The following SAP130 variants were observed in gnomAD, a reference collection of about 807,000 sequenced individuals.
SAP130 encodes the protein histone deacetylase complex subunit SAP130.
SAP130 carries 16 observed loss-of-function variants against 103.2 expected under a neutral mutation model. That is an observed-to-expected ratio of 0.16 (90% CI 0.10 to 0.24). The LOEUF (loss-of-function observed/expected upper bound fraction) is 0.24. SAP130 is among the 10% of genes least tolerant of loss of function. The pLI is 1.00. For synonymous variants in SAP130, 477 were observed against 497.0 expected (o/e 0.96, Z 0.53); for missense variants, 990 against 1,359.7 (o/e 0.73, Z 4.28).
chr2:127,986,678 G>A lies in SAP130; in HGVS notation c.1958+107C>T, dbSNP rs1682417018. On this transcript the variant is annotated intron_variant, in intron 14 of 20. Coordinates refer to ENST00000643581, the MANE Select transcript of SAP130 (RefSeq NM_001330301.2). The surrounding 1 kb of genome is among the most constrained non-coding windows in gnomAD (Gnocchi z 4.7). ...TTGGAGGAAATTTTAACACACCACAGAAAATGAGAGATGAGTTTGATACCA... is the reference window on the plus strand; with the variant it reads ...TTGGAGGAAATTTTAACACACCACAAAAAATGAGAGATGAGTTTGATACCA... The A allele has an allele frequency of 8.7e-6, 11 of 1,258,790 alleles. No individual in the cohort carries two copies. In the South Asian group the frequency reaches 1.3e-4, roughly 14 times the overall value. The allele number at this position is 1,258,790 out of a possible 1,614,324, so 78.0% of individuals were successfully genotyped here.
At chr2:127,968,950 G>A (rs1034623762) in intron 15 of SAP130, among the ~76,000 whole-genome samples, 2 of 152,188 alleles carry the variant, frequency 1.3e-5, no homozygotes, top group Non-Finnish European at 2.9e-5. Context: ...CACCAGACAT[G>A]AGGACTCATG....
intron 7 of SAP130, among the ~76,000 whole-genome samples, chr2:128,008,600 GCCT>G (rs1262451118): frequency 1.3e-5 from 2 of 149,910 alleles, no homozygotes; most frequent in African/African-American, 2.5e-5. Flanking sequence ...TGAATTCCTG[GCCT>G]CAAGTGATTC....
chr2:127,961,757 C>T (rs546739514), intron 15 of SAP130, among the ~76,000 whole-genome samples: 1 of 152,254 alleles, frequency 6.6e-6, no homozygotes, highest in Admixed American at 6.5e-5. Context: ...AGTGGACGAA[C>T]CACTTGCTGT....
chr2:128,006,905 T>C (rs1033817598), intron 7 of SAP130, among the ~76,000 whole-genome samples: 2 of 152,260 alleles, frequency 1.3e-5, no homozygotes, highest in African/African-American at 4.8e-5. Context: ...CCAAAAAAGT[T>C]AGACATTAGG....
intron 11 of SAP130, among the ~76,000 whole-genome samples, chr2:127,995,485 G>A (rs755715587): frequency 9.2e-5 from 14 of 152,134 alleles, no homozygotes; most frequent in African/African-American, 2.7e-4. Context: ...AGGCCGAGCC[G>A]ATTAAAAAAC....
At position 127,955,629 on chromosome 2, in the gene SAP130, G is replaced by A. The variant is rs187368408; in HGVS notation, c.2064-285C>T. On this transcript the variant is annotated intron_variant, in intron 15 of 20. Coordinates refer to ENST00000643581, the MANE Select transcript of SAP130 (RefSeq NM_001330301.2). This position sits in a 1 kb window ranked among gnomAD's most constrained non-coding sequence, Gnocchi z 4.9. ...ATCCTCCCGAGTAGCTGAGACTACA[G>A]GTGTGTGCCACCATGCCAGGCTAAT... Among the ~76,000 whole-genome samples the A allele has an allele frequency of 4.5e-3, 688 of 152,210 alleles. 6 individuals are homozygous for A. The highest frequency in any genetic ancestry group is 0.016 in the African/African-American group (646 of 41,518).
At chr2:127,956,235 T>C (rs992540383) in intron 15 of SAP130, among the ~76,000 whole-genome samples, 14 of 152,210 alleles carry the variant, frequency 9.2e-5, no homozygotes, top group African/African-American at 2.4e-4. Context: ...GGAGAGGCCA[T>C]GGAAGCTTCA....
At chr2:127,972,477 G>A (rs1180409798) in intron 15 of SAP130, among the ~76,000 whole-genome samples, 1 of 152,108 alleles carries the variant, frequency 6.6e-6, no homozygotes, top group Non-Finnish European at 1.5e-5. Flanking sequence ...AGCTTAGCAG[G>A]CTGGGCGTGG....
At chr2:127,983,883 T>G (rs1682173452) in intron 14 of SAP130, among the ~76,000 whole-genome samples, 1 of 147,556 alleles carries the variant, frequency 6.8e-6, no homozygotes, top group Admixed American at 6.8e-5. Flanking sequence ...ACACACAAGT[T>G]ACCTTTACAG....
chr2:127,957,147 T>G (rs562223058), intron 15 of SAP130, among the ~76,000 whole-genome samples: 2 of 152,162 alleles, frequency 1.3e-5, no homozygotes, highest in South Asian at 2.1e-4. Flanking sequence ...AAAAAATTTT[T>G]TTTAATTAGC....
intron 14 of SAP130, among the ~76,000 whole-genome samples, chr2:127,981,902 A>G (rs1681964950): frequency 6.6e-6 from 1 of 152,062 alleles, no homozygotes; most frequent in African/African-American, 2.4e-5. Context: ...TATAGTCTGT[A>G]AGGGGGGCTG....
chr2:128,013,264 G>A, intron 5 of SAP130, 110 bp from the exon 6 acceptor site: 2 of 928,462 alleles, frequency 2.2e-6, no homozygotes, highest in Non-Finnish European at 3.0e-6. Flanking sequence ...CTGAAGTATG[G>A]TATGTATACT....
intron 7 of SAP130, among the ~76,000 whole-genome samples, chr2:128,005,326 A>C (rs918625090): frequency 6.6e-6 from 1 of 152,164 alleles, no homozygotes; most frequent in Non-Finnish European, 1.5e-5. Context: ...ATTACATAGG[A>C]GTGCAAAAAG....
intron 6 of SAP130, among the ~76,000 whole-genome samples, chr2:128,012,108 C>T (rs1338220947): frequency 6.6e-6 from 1 of 152,218 alleles, no homozygotes; most frequent in Non-Finnish European, 1.5e-5. Context: ...AGCCACTGCG[C>T]CTGGCCTAAT....
chr2:128,017,156 T>C (rs1053332019), intron 3 of SAP130, among the ~76,000 whole-genome samples: 4 of 152,140 alleles, frequency 2.6e-5, no homozygotes, highest in Non-Finnish European at 5.9e-5. Flanking sequence ...ACGCCATCTC[T>C]ACTAAAAATA....
chr2:128,014,930 T>C lies in SAP130; in HGVS notation c.508-16A>G, dbSNP rs1213551320. 6.9e-6 allele frequency: 11 copies of C among 1,597,940 alleles called. No individual in the cohort carries two copies. The highest frequency in any genetic ancestry group is 2.2e-5 in the South Asian group (2 of 90,674). ...TGGGATGGCCCTGAAAGAAAGAGGA[T>C]AGAACGTTATTTTTACATGTTTGCT... On this transcript the variant is annotated splice_polypyrimidine_tract_variant and intron_variant, in intron 4 of 20. Transcript: ENST00000643581.
chr2:127,955,125 T>TCTC lies in SAP130; in HGVS notation c.2282_2283insGAG (p.Pro761_Pro762insArg). On this transcript the variant is annotated inframe_insertion, in exon 16 of 21. Transcript: ENST00000643581. This position sits in a 1 kb window ranked among gnomAD's most constrained non-coding sequence, Gnocchi z 4.9. ...GTGCAGCTGCAATGGTGGTGATGGG[T>TCTC]GGAGTGATGGGGACCGCTCCAGGAA... is the stretch of plus-strand genomic sequence containing the variant. The TCTC allele has an allele frequency of 6.2e-7, 1 of 1,614,028 alleles. No homozygotes were observed. Among genetic ancestry groups the TCTC allele is most frequent in the South Asian group, 1.1e-5 (1 of 91,072 alleles).
intron 2 of SAP130, among the ~76,000 whole-genome samples, chr2:128,018,442 G>A (rs1450185439): frequency 3.8e-5 from 5 of 130,806 alleles, no homozygotes; most frequent in South Asian, 2.4e-4. Flanking sequence ...CCAAGATTCC[G>A]TCACTGCACT....
Position 128,014,908 on chromosome 2 carries a change from G to A in SAP130, c.514C>T (p.Pro172Ser). The A allele has an allele frequency of 6.2e-7, 1 of 1,613,218 alleles. No individual in the cohort carries two copies. The highest frequency in any genetic ancestry group is 8.5e-7 in the Non-Finnish European group (1 of 1,179,176). ...GTCATGATGTGATGCAGGTTACTGG[G>A]ATGGCCCTGAAAGAAAGAGGATAGA... ...VATISGQQGHPSNLHHIMTTN... is the reference protein window; with the variant it reads ...VATISGQQGHSSNLHHIMTTN... Residue 172 changes from proline to serine, a missense_variant, in exon 5 of 21, where the codon CCC becomes TCC. Transcript: ENST00000643581.
Sources: allele counts gnomAD v4.1 joint callset (sites outside exome capture counted in the v4.1 genomes callset), GRCh38; gene constraint gnomAD v4.1.1; non-coding constraint Gnocchi (gnomAD v3.1); transcripts MANE v1.5; gene names NCBI Gene and HGNC (gene_info 2026-07-23, HGNC 2026-07-21).